The following ZNF804B variants were observed in gnomAD, a reference collection of about 807,000 sequenced individuals.
ZNF804B encodes zinc finger protein 804B, also known as zinc finger 804B.
In ZNF804B, 80 loss-of-function variants were observed where a neutral mutation model predicts 101.4. That is an observed-to-expected ratio of 0.79 (90% CI 0.66 to 0.95). The LOEUF is 0.95. ZNF804B is among the 40% of genes least tolerant of loss of function. The probability of loss-of-function intolerance (pLI) is 0.00; values close to 1 mark genes in which losing one functional copy is unlikely to be tolerated. For synonymous variants in ZNF804B, 622 were observed against 558.8 expected (o/e 1.11, Z -1.59); for missense variants, 1,673 against 1,561.9 (o/e 1.07, Z -1.20).
At chr7:89,319,059 C>T (rs528549914) in intron 2 of ZNF804B, among the ~76,000 whole-genome samples, 1 of 152,284 alleles carries the variant, frequency 6.6e-6, no homozygotes, top group South Asian at 2.1e-4. Context: ...TTGTCTGTGG[C>T]TTAAGAATGC....
At chr7:89,029,614 T>C (rs1788801574) in intron 1 of ZNF804B, among the ~76,000 whole-genome samples, 2 of 152,296 alleles carry the variant, frequency 1.3e-5, no homozygotes, top group Middle Eastern at 6.8e-3. Flanking sequence ...ATGTATTTTA[T>C]ACTAAAGATG....
chr7:89,061,500 T>C (rs1449352652), intron 1 of ZNF804B, among the ~76,000 whole-genome samples: 1 of 152,058 alleles, frequency 6.6e-6, no homozygotes, highest in East Asian at 1.9e-4. Context: ...TTTATAACTC[T>C]GAAATGTTTA....
chr7:89,177,836 A>T (rs1033375988), intron 1 of ZNF804B, among the ~76,000 whole-genome samples: 1 of 151,920 alleles, frequency 6.6e-6, no homozygotes, highest in Non-Finnish European at 1.5e-5. Flanking sequence ...GCGGATCACG[A>T]GGTCAAGAGA....
rs1187398894 is a variant in ZNF804B, at chr7:89,335,356, A to C, written c.2374A>C (p.Lys792Gln). The C allele has an allele frequency of 6.2e-7, 1 of 1,613,772 alleles. No individual in the cohort carries two copies. Among genetic ancestry groups the C allele is most frequent in the East Asian group, 2.2e-5 (1 of 44,854 alleles). ...GAACTGCAAATTGTGGGAATCATTTAAAAATGAAAAATACTCAAAACGTAG... is the reference window on the plus strand; with the variant it reads ...GAACTGCAAATTGTGGGAATCATTTCAAAATGAAAAATACTCAAAACGTAG... ...ERNCKLWESF[K>Q]NEKYSKRRYC... Residue 792 changes from lysine to glutamine, a missense_variant, in exon 4 of 4, where the codon AAA (lysine) becomes CAA (glutamine). Coordinates refer to ENST00000333190, the MANE Select transcript of ZNF804B (RefSeq NM_181646.5).
At chr7:88,903,226 C>T (rs1792418623) in intron 1 of ZNF804B, among the ~76,000 whole-genome samples, 1 of 151,902 alleles carries the variant, frequency 6.6e-6, no homozygotes, top group South Asian at 2.1e-4. Flanking sequence ...CATTAATTGT[C>T]TTAGGGGATT....
At chr7:89,022,649 C>T (rs955372130) in intron 1 of ZNF804B, among the ~76,000 whole-genome samples, 1 of 152,146 alleles carries the variant, frequency 6.6e-6, no homozygotes, top group South Asian at 2.1e-4. Flanking sequence ...GAGTGTCATT[C>T]TATGAAAGAA....
chr7:88,766,283 C>T (rs943000147), intron 1 of ZNF804B, among the ~76,000 whole-genome samples: 1 of 151,914 alleles, frequency 6.6e-6, no homozygotes, highest in African/African-American at 2.4e-5. Context: ...TCACTGCAGC[C>T]CCCAGGCAAC....
At chr7:89,313,925 T>G (rs1185165246) in intron 2 of ZNF804B, among the ~76,000 whole-genome samples, 1 of 152,162 alleles carries the variant, frequency 6.6e-6, no homozygotes, top group Non-Finnish European at 1.5e-5. Context: ...GCTTTGTCGT[T>G]TCTCTTTAAG....
At chr7:88,923,811 T>C (rs1038985249) in intron 1 of ZNF804B, among the ~76,000 whole-genome samples, 1 of 152,124 alleles carries the variant, frequency 6.6e-6, no homozygotes, top group Non-Finnish European at 1.5e-5. Context: ...TTTAAGTTTA[T>C]TTTACAAAAA....
chr7:89,173,745 TATCCATCCATCC>T (rs67518267), intron 1 of ZNF804B, among the ~76,000 whole-genome samples: 31,090 of 151,596 alleles, frequency 0.21, 3,379 homozygotes, highest in Middle Eastern at 0.39. Flanking sequence ...TCCATCCATT[TATCCATCCATCC>T]ATCCATCCAT....
intron 1 of ZNF804B, among the ~76,000 whole-genome samples, chr7:89,179,426 ACT>A (rs1199398786): frequency 1.3e-5 from 2 of 151,758 alleles, no homozygotes; most frequent in African/African-American, 2.4e-5. Flanking sequence ...CTATTGAGAG[ACT>A]CTGATGCATT....
At chr7:89,151,995 G>A (rs947091410) in intron 1 of ZNF804B, among the ~76,000 whole-genome samples, 2 of 151,928 alleles carry the variant, frequency 1.3e-5, no homozygotes, top group Admixed American at 1.3e-4. Flanking sequence ...ATAATCTTTT[G>A]TTCTTGTTTT....
At chr7:89,030,502 A>G (rs1336208215) in intron 1 of ZNF804B, among the ~76,000 whole-genome samples, 1 of 152,068 alleles carries the variant, frequency 6.6e-6, no homozygotes, top group Non-Finnish European at 1.5e-5. Context: ...ATTTATCAAG[A>G]CTTCTGTTAG....
chr7:89,336,829 C>T lies in ZNF804B; in HGVS notation c.3847C>T (p.Leu1283Phe), dbSNP rs141039935. Residue 1283 changes from leucine to phenylalanine, a missense_variant, in exon 4 of 4, where the codon CTT (leucine) becomes TTT (phenylalanine). Transcript: ENST00000333190. Reference sequence around the variant, plus strand: ...CCCCTTCCACCCATCTCACATAACACTTCAGCCTCTGCCCCCTACAGCATT... The same window carrying T: ...CCCCTTCCACCCATCTCACATAACATTTCAGCCTCTGCCCCCTACAGCATT... ...ATPFHPSHIT[L>F]QPLPPTAFIP... 1 of 1,613,986 alleles carries T rather than the reference C, an allele frequency of 6.2e-7. No individual in the cohort carries two copies. The highest frequency in any genetic ancestry group is 1.3e-5 in the African/African-American group (1 of 74,904).
chr7:88,877,040 T>C (rs1278213962), intron 1 of ZNF804B, among the ~76,000 whole-genome samples: 2 of 49,502 alleles, frequency 4.0e-5, no homozygotes, highest in Non-Finnish European at 7.7e-5. Flanking sequence ...TATATATATA[T>C]ATATATATAT....
intron 1 of ZNF804B, among the ~76,000 whole-genome samples, chr7:89,100,968 A>C (rs555407310): frequency 6.6e-6 from 1 of 152,158 alleles, no homozygotes; most frequent in Non-Finnish European, 1.5e-5. Context: ...AGGTATGTAT[A>C]TATTTAACCT....
chr7:88,844,071 T>G (rs1360838696), intron 1 of ZNF804B, among the ~76,000 whole-genome samples: 3 of 152,146 alleles, frequency 2.0e-5, no homozygotes, highest in Non-Finnish European at 2.9e-5. Flanking sequence ...TAACAAATGT[T>G]AATATTTTGC....
At chr7:89,003,873 C>T (rs1377245863) in intron 1 of ZNF804B, among the ~76,000 whole-genome samples, 1 of 151,758 alleles carries the variant, frequency 6.6e-6, no homozygotes, top group Non-Finnish European at 1.5e-5. Context: ...TTTATTATGT[C>T]AATTATGTTT....
intron 1 of ZNF804B, among the ~76,000 whole-genome samples, chr7:88,823,181 T>G (rs2115764388): frequency 6.6e-6 from 1 of 152,224 alleles, no homozygotes. Context: ...CTGCACAGCC[T>G]AGGCGACAGG....
Sources: allele counts gnomAD v4.1 joint callset (sites outside exome capture counted in the v4.1 genomes callset), GRCh38; gene constraint gnomAD v4.1.1; transcripts MANE v1.5; gene names NCBI Gene and HGNC (gene_info 2026-07-23, HGNC 2026-07-21).